The following HIBADH variants were observed in gnomAD, a reference collection of about 807,000 sequenced individuals.
HIBADH encodes 3-hydroxyisobutyrate dehydrogenase, also known as 3-hydroxyisobutyrate dehydrogenase, mitochondrial.
In HIBADH, 25 loss-of-function variants were observed where a neutral mutation model predicts 36.1. That is an observed-to-expected ratio of 0.69 (90% CI 0.50 to 0.97). The LOEUF (loss-of-function observed/expected upper bound fraction) is 0.97. Ranked by LOEUF, HIBADH falls within the 50% of genes least tolerant of loss-of-function variation. HIBADH has a pLI of 0.00. For synonymous variants in HIBADH, 160 were observed against 149.5 expected (o/e 1.07, Z -0.51); for missense variants, 421 against 418.0 (o/e 1.01, Z -0.06).
intron 3 of HIBADH, among the ~76,000 whole-genome samples, chr7:27,631,013 A>T (rs1785737595): frequency 1.3e-5 from 2 of 152,288 alleles, no homozygotes; most frequent in Non-Finnish European, 1.5e-5. Flanking sequence ...CCTCACCCAG[A>T]AAAAAATAAA....
At chr7:27,620,458 A>C (rs1785518348) in intron 4 of HIBADH, among the ~76,000 whole-genome samples, 1 of 152,166 alleles carries the variant, frequency 6.6e-6, no homozygotes. Context: ...TGATATATTC[A>C]AAGTGCTGAC....
At chr7:27,531,881 G>A (rs192252498) in intron 6 of HIBADH, among the ~76,000 whole-genome samples, 2 of 147,642 alleles carry the variant, frequency 1.4e-5, no homozygotes, top group East Asian at 2.0e-4. Context: ...AGCTGTAAAC[G>A]AGCTTAAGAA....
intron 2 of HIBADH, chr7:27,647,595 C>T (rs1786094577): frequency 4.6e-6 from 1 of 216,456 alleles, no homozygotes; most frequent in African/African-American, 2.3e-5. Flanking sequence ...AGATTCTTTT[C>T]TCTCCCTTTC....
chr7:27,552,986 ATC>A (rs1468633638), intron 4 of HIBADH, among the ~76,000 whole-genome samples: 14 of 152,314 alleles, frequency 9.2e-5, no homozygotes, highest in South Asian at 2.1e-4. Flanking sequence ...ACATGCATCT[ATC>A]TCTTTTTTTA....
At chr7:27,651,303 G>T (rs1786189999) in intron 1 of HIBADH, among the ~76,000 whole-genome samples, 2 of 152,006 alleles carry the variant, frequency 1.3e-5, no homozygotes, top group Admixed American at 1.3e-4. Context: ...ATTAAATGTG[G>T]GTGTCATTTC....
intron 1 of HIBADH, among the ~76,000 whole-genome samples, chr7:27,650,775 A>AT (rs1167310559): frequency 1.3e-4 from 20 of 151,560 alleles, no homozygotes; most frequent in African/African-American, 4.8e-4. Context: ...TATTTTTCAT[A>AT]TAAGACTTTT....
At chr7:27,656,955 A>G (rs1786318235) in intron 1 of HIBADH, among the ~76,000 whole-genome samples, 1 of 152,180 alleles carries the variant, frequency 6.6e-6, no homozygotes, top group Non-Finnish European at 1.5e-5. Flanking sequence ...ACTCTCCAAT[A>G]TTCTTTCCCG....
chr7:27,654,276 G>C (rs1175427531), intron 1 of HIBADH, among the ~76,000 whole-genome samples: 2 of 152,150 alleles, frequency 1.3e-5, no homozygotes, highest in African/African-American at 4.8e-5. Context: ...TATGTAACTA[G>C]AGTCCTCAAA....
chr7:27,531,001 C>T (rs17607043), intron 7 of HIBADH, among the ~76,000 whole-genome samples, 191 bp downstream of exon 7: 2,216 of 151,978 alleles, frequency 0.015, 28 homozygotes, highest in Middle Eastern at 0.031. Context: ...AACCAAAAGG[C>T]CAGGAATAAA....
intron 4 of HIBADH, among the ~76,000 whole-genome samples, chr7:27,583,475 G>C (rs1208459512): frequency 1.3e-5 from 2 of 151,848 alleles, no homozygotes; most frequent in East Asian, 3.9e-4. Context: ...TCAAGAAAAA[G>C]CTACCTAATA....
At chr7:27,583,521 T>C (rs1307158510) in intron 4 of HIBADH, among the ~76,000 whole-genome samples, 1 of 152,048 alleles carries the variant, frequency 6.6e-6, no homozygotes, top group East Asian at 1.9e-4. Flanking sequence ...AAGCATATTA[T>C]ATATTAATAA....
chr7:27,608,953 T>C (rs80122117), intron 4 of HIBADH, among the ~76,000 whole-genome samples: 5,203 of 152,254 alleles, frequency 0.034, 118 homozygotes, highest in South Asian at 0.092. Context: ...TACCACAGAA[T>C]AGAGCCTGGC....
At chr7:27,547,196 T>G (rs1247906843) in intron 4 of HIBADH, among the ~76,000 whole-genome samples, 1 of 152,200 alleles carries the variant, frequency 6.6e-6, no homozygotes. Flanking sequence ...AGGTGAAGTA[T>G]GTTCCCATCT....
intron 2 of HIBADH, among the ~76,000 whole-genome samples, chr7:27,646,973 G>T (rs755222911): frequency 9.9e-5 from 15 of 152,108 alleles, no homozygotes; most frequent in Non-Finnish European, 1.6e-4. Flanking sequence ...TGGGATTATA[G>T]GCACAAGACA....
chr7:27,599,775 CAGTTTTTTTTTAAGGGA>C (rs975859180), intron 4 of HIBADH, among the ~76,000 whole-genome samples: 8 of 147,368 alleles, frequency 5.4e-5, no homozygotes, highest in Non-Finnish European at 9.0e-5. Context: ...TTAAAACATT[CAGTTTTTTTTTAAGGGA>C]AGTTTTTTTT....
chr7:27,540,245 C>A (rs1187218039), intron 5 of HIBADH, among the ~76,000 whole-genome samples: 1 of 152,134 alleles, frequency 6.6e-6, no homozygotes, highest in African/African-American at 2.4e-5. Context: ...ATAATCAGAA[C>A]CGTTCTGCCA....
rs750473162 is a variant in HIBADH, at chr7:27,543,076, T to C, written c.509A>G (p.Asn170Ser). The C allele has an allele frequency of 6.2e-7, 1 of 1,613,686 alleles. No homozygotes were observed. Among genetic ancestry groups the C allele is most frequent in the East Asian group, 2.2e-5 (1 of 44,832 alleles). Residue 170 changes from asparagine (N) to serine (S), a missense_variant, in exon 5 of 8, where the codon AAC becomes AGC. Coordinates refer to ENST00000265395, the MANE Select transcript of HIBADH (RefSeq NM_152740.4). Reference sequence around the variant, plus strand: ...AACTCCTCCCACCATAAACGTGAGGTTCCCAGATCGTGCAGCTCCTACACC... The same window carrying C: ...AACTCCTCCCACCATAAACGTGAGGCTCCCAGATCGTGCAGCTCCTACACC... ...SGGVGAARSG[N>S]LTFMVGGVED...
At position 27,526,391 on chromosome 7, in the gene HIBADH, G is replaced by A. The variant is rs758518204; in HGVS notation, c.853-19C>T. ...CCAGATCCTAAATCAAACAGGAGGA[G>A]AGAACACGCTGAGACTGGTGGTAAA... is the stretch of plus-strand genomic sequence containing the variant. On this transcript the variant is annotated intron_variant, in intron 7 of 7. Coordinates refer to ENST00000265395, the MANE Select transcript of HIBADH (RefSeq NM_152740.4). 9.4e-6 allele frequency: 15 copies of A among 1,602,940 alleles called. No individual in the cohort carries two copies. Among genetic ancestry groups the A allele is most frequent in the East Asian group, 4.5e-5 (2 of 44,330 alleles).
At chr7:27,557,674 G>A (rs988933600) in intron 4 of HIBADH, among the ~76,000 whole-genome samples, 4 of 152,122 alleles carry the variant, frequency 2.6e-5, no homozygotes, top group African/African-American at 9.7e-5. Context: ...AAGACAGAAG[G>A]GCAAGCAGAA....
Sources: allele counts gnomAD v4.1 joint callset (sites outside exome capture counted in the v4.1 genomes callset), GRCh38; gene constraint gnomAD v4.1.1; transcripts MANE v1.5; gene names NCBI Gene and HGNC (gene_info 2026-07-23, HGNC 2026-07-21).